THSD4: variants seen among roughly 807,000 people sequenced by gnomAD.
The protein encoded by THSD4 is thrombospondin type 1 domain containing 4.
In THSD4, 69 loss-of-function variants were observed where a neutral mutation model predicts 119.0. That is an observed-to-expected ratio of 0.58 (90% CI 0.48 to 0.71). The LOEUF (loss-of-function observed/expected upper bound fraction) is 0.71, where lower values mean the gene tolerates loss of function less well. Ranked by LOEUF, THSD4 falls within the 30% of genes least tolerant of loss-of-function variation. The pLI, the probability that THSD4 is intolerant of heterozygous loss-of-function variation, is 0.00. For missense variants in THSD4, 1,393 were observed against 1,391.1 expected, an observed-to-expected ratio of 1.00 and a Z score of -0.02; for synonymous variants, 524 against 540.4, an observed-to-expected ratio of 0.97 and a Z score of 0.42.
At chr15:71,135,687 C>A (rs1196470000) in intron 1 of THSD4, among the ~76,000 whole-genome samples, 1 of 152,158 alleles carries the variant, frequency 6.6e-6, no homozygotes, top group Non-Finnish European at 1.5e-5. Flanking sequence ...TTCTTCTTGG[C>A]AGCCTTCTCC....
intron 7 of THSD4, among the ~76,000 whole-genome samples, chr15:71,551,135 G>C (rs950246800): frequency 6.6e-6 from 1 of 152,230 alleles, no homozygotes; most frequent in Non-Finnish European, 1.5e-5. Flanking sequence ...GGTAGCTCTA[G>C]ATGTGTAATG....
intron 7 of THSD4, among the ~76,000 whole-genome samples, chr15:71,439,262 AATCC>A (rs1295943374): frequency 6.6e-6 from 1 of 152,224 alleles, no homozygotes; most frequent in Non-Finnish European, 1.5e-5. Flanking sequence ...AAAGTTTATC[AATCC>A]ATCTTCTAAT....
intron 4 of THSD4, among the ~76,000 whole-genome samples, chr15:71,238,988 C>G (rs2044129886): frequency 6.6e-6 from 1 of 152,150 alleles, no homozygotes; most frequent in Non-Finnish European, 1.5e-5. Context: ...TCCTAGTGAA[C>G]ATGAAATGGT....
intron 6 of THSD4, among the ~76,000 whole-genome samples, chr15:71,374,407 C>T (rs2046103208): frequency 6.6e-6 from 1 of 152,200 alleles, no homozygotes; most frequent in Non-Finnish European, 1.5e-5. Context: ...TCTGTTACTT[C>T]TTATCCCATC....
chr15:71,511,470 C>T (rs1234541372), intron 7 of THSD4, among the ~76,000 whole-genome samples: 1 of 151,974 alleles, frequency 6.6e-6, no homozygotes, highest in Non-Finnish European at 1.5e-5. Flanking sequence ...TCCTTCCTCC[C>T]AGGAAAAAGG....
chr15:71,753,540 C>T (rs1359203579), intron 14 of THSD4, among the ~76,000 whole-genome samples: 1 of 152,222 alleles, frequency 6.6e-6, no homozygotes, highest in Non-Finnish European at 1.5e-5. Flanking sequence ...AAGGCAGTCC[C>T]CACCAGAGGG....
intron 3 of THSD4, among the ~76,000 whole-genome samples, chr15:71,168,893 G>A (rs913865809): frequency 3.9e-5 from 6 of 152,148 alleles, no homozygotes; most frequent in Non-Finnish European, 8.8e-5. Context: ...GAATAGCTTC[G>A]TAATTTGATG....
At chr15:71,443,850 A>G (rs974516379) in intron 7 of THSD4, among the ~76,000 whole-genome samples, 2 of 152,246 alleles carry the variant, frequency 1.3e-5, no homozygotes, top group Admixed American at 6.5e-5. Context: ...GGTGCATAAC[A>G]AATACTCTTC....
At chr15:71,114,227 T>A (rs1177721853), upstream of THSD4, among the ~76,000 whole-genome samples, 5 of 152,218 alleles carry the variant, frequency 3.3e-5, no homozygotes, top group East Asian at 9.7e-4. Flanking sequence ...TGTTAATTTT[T>A]TTTTTTTTCT....
At chr15:71,305,399 C>G (rs1017573703) in intron 6 of THSD4, among the ~76,000 whole-genome samples, 1 of 152,120 alleles carries the variant, frequency 6.6e-6, no homozygotes, top group Non-Finnish European at 1.5e-5. Context: ...CCAAGATCAC[C>G]CCCAGGAGTT....
chr15:71,373,233 T>G (rs755726578), intron 6 of THSD4, among the ~76,000 whole-genome samples: 8 of 152,218 alleles, frequency 5.3e-5, no homozygotes, highest in African/African-American at 7.2e-5. Context: ...TCTTAATAAT[T>G]TCTAGTTTTA....
At position 71,322,245 on chromosome 15, in the gene THSD4, T is replaced by A. The variant is rs79613940; in HGVS notation, c.1015+65530T>A. Among the ~76,000 whole-genome samples the A allele has an allele frequency of 4.3e-3, 655 of 152,226 alleles. 3 individuals carry two copies. The highest frequency in any genetic ancestry group is 0.015 in the African/African-American group (627 of 41,538). ...TGCTAGAAAACAGGATTTCCATGAGTTGAAGAGTCTGAGAGGCTAAGACTG... is the reference window on the plus strand; with the variant it reads ...TGCTAGAAAACAGGATTTCCATGAGATGAAGAGTCTGAGAGGCTAAGACTG... On this transcript the variant is annotated intron_variant, in intron 6 of 17. Coordinates refer to ENST00000261862, the MANE Select transcript of THSD4 (RefSeq NM_024817.3).
At chr15:71,171,043 A>T (rs1477940762) in intron 3 of THSD4, among the ~76,000 whole-genome samples, 1 of 152,196 alleles carries the variant, frequency 6.6e-6, no homozygotes, top group Non-Finnish European at 1.5e-5. Flanking sequence ...AGCATCAGTG[A>T]ACTCTGAGAC....
chr15:71,617,221 A>AT (rs2140920930), intron 7 of THSD4, among the ~76,000 whole-genome samples: 1 of 152,274 alleles, frequency 6.6e-6, no homozygotes, highest in African/African-American at 2.4e-5. Context: ...TTTAATAGTA[A>AT]TTTTCTAGTT....
At chr15:71,604,021 C>A (rs2050061611) in intron 7 of THSD4, among the ~76,000 whole-genome samples, 1 of 152,146 alleles carries the variant, frequency 6.6e-6, no homozygotes, top group South Asian at 2.1e-4. Flanking sequence ...GTATAGAACA[C>A]TCTTAAGTTG....
intron 1 of THSD4, among the ~76,000 whole-genome samples, chr15:71,135,991 G>GTTTTTTTT (rs10540241): frequency 8.7e-5 from 6 of 69,100 alleles, no homozygotes; most frequent in African/African-American, 3.0e-4. Flanking sequence ...GTTTAGTTTA[G>GTTTTTTTT]TTTTTTTTTT....
At chr15:71,428,142 C>G (rs975575145) in intron 7 of THSD4, among the ~76,000 whole-genome samples, 1 of 152,194 alleles carries the variant, frequency 6.6e-6, no homozygotes, top group Admixed American at 6.5e-5. Flanking sequence ...CAACCCACCA[C>G]CATCCCTGAC....
chr15:71,174,291 G>A (rs1248446695), intron 3 of THSD4, among the ~76,000 whole-genome samples: 1 of 152,078 alleles, frequency 6.6e-6, no homozygotes, highest in Non-Finnish European at 1.5e-5. Flanking sequence ...GTGTGTGCGC[G>A]CGCCGAAGCA....
intron 7 of THSD4, among the ~76,000 whole-genome samples, chr15:71,493,852 A>G (rs1201043763): frequency 6.6e-6 from 1 of 152,234 alleles, no homozygotes; most frequent in Non-Finnish European, 1.5e-5. Context: ...AGCTGGGGCA[A>G]GAAGGGCTCA....
Sources: gnomAD v4.1 joint callset for allele counts (sites outside exome capture counted in the v4.1 genomes callset) on GRCh38, gnomAD v4.1.1 for gene constraint, MANE v1.5 for transcripts, NCBI Gene and HGNC (gene_info 2026-07-23, HGNC 2026-07-21) for gene names.